The following P4HA3 variants were observed in gnomAD, a reference collection of about 807,000 sequenced individuals.
P4HA3 encodes prolyl 4-hydroxylase subunit alpha 3, also known as prolyl 4-hydroxylase subunit alpha-3.
Under a neutral mutation model 66.7 loss-of-function variants are expected in P4HA3, and 60 were observed. That is an observed-to-expected ratio of 0.90 (90% confidence interval 0.73 to 1.12). The LOEUF is 1.12. P4HA3 is among the 50% of genes most tolerant of loss of function. P4HA3 has a pLI of 0.00. For missense variants in P4HA3, 683 were observed against 685.8 expected, an observed-to-expected ratio of 1.00 and a Z score of 0.05; for synonymous variants, 263 against 274.6, an observed-to-expected ratio of 0.96 and a Z score of 0.42.
chr11:74,310,150 C>A (rs995486825), intron 1 of P4HA3, among the ~76,000 whole-genome samples: 3 of 152,218 alleles, frequency 2.0e-5, no homozygotes, highest in Non-Finnish European at 4.4e-5. Context: ...GTGGTCATAA[C>A]CACTCTGTCA....
intron 3 of P4HA3, among the ~76,000 whole-genome samples, chr11:74,299,607 C>T (rs1037423325): frequency 5.3e-5 from 8 of 150,780 alleles, no homozygotes; most frequent in Admixed American, 3.3e-4. Context: ...GGAATCCTTC[C>T]GAACACAAAT....
chr11:74,311,629 T>C lies in P4HA3; in HGVS notation c.-18A>G, dbSNP rs772500942. On this transcript the variant is annotated 5_prime_UTR_variant, in exon 1 of 13. Coordinates refer to ENST00000331597, the MANE Select transcript of P4HA3 (RefSeq NM_182904.5). ...GGACCCATAGCCAGCGCTCGCGAAC[T>C]TCCCCTCAGACAGTCCTGGCCGCGC... 2.0e-6 allele frequency: 3 copies of C among 1,481,912 alleles called. No homozygotes were observed. The highest frequency in any genetic ancestry group is 2.7e-6 in the Non-Finnish European group (3 of 1,127,248). 91.8% of individuals were successfully genotyped at this position (1,481,912 alleles called of 1,614,324 possible). A position where few individuals can be genotyped will look rare whatever the true frequency, so the allele number is the denominator to read the frequency against.
chr11:74,300,481 T>G (rs1227953005), intron 3 of P4HA3, among the ~76,000 whole-genome samples: 3 of 151,998 alleles, frequency 2.0e-5, no homozygotes, highest in Non-Finnish European at 4.4e-5. Flanking sequence ...TAGCTGGATA[T>G]GGTGGGGCAC....
intron 15 of P4HA3, among the ~76,000 whole-genome samples, chr11:74,255,421 T>C (rs1859810081): frequency 6.6e-6 from 1 of 152,212 alleles, no homozygotes; most frequent in African/African-American, 2.4e-5. Context: ...CTCCACACTG[T>C]TGGAGGCTTC....
At chr11:74,292,510 C>T (rs1367015275) in intron 4 of P4HA3, among the ~76,000 whole-genome samples, 2 of 152,104 alleles carry the variant, frequency 1.3e-5, no homozygotes, top group South Asian at 2.1e-4. Flanking sequence ...TTTGCTGTTG[C>T]TTCTCTAGTT....
chr11:74,251,200 G>A, intron 15 of P4HA3: 1 of 1,439,268 alleles, frequency 6.9e-7, no homozygotes, highest in Non-Finnish European at 9.1e-7. Flanking sequence ...TTGGTTTTGT[G>A]TATATGTGCT....
chr11:74,294,624 G>C (rs1861151004), intron 4 of P4HA3, among the ~76,000 whole-genome samples: 1 of 152,142 alleles, frequency 6.6e-6, no homozygotes, highest in Non-Finnish European at 1.5e-5. Flanking sequence ...GTGGGTTTTG[G>C]TGTGGATGTC....
intron 5 of P4HA3, among the ~76,000 whole-genome samples, chr11:74,288,281 G>T (rs1860870202): frequency 6.6e-6 from 1 of 152,158 alleles, no homozygotes; most frequent in African/African-American, 2.4e-5. Context: ...TACTGGCTGG[G>T]CAGGATGCAT....
chr11:74,311,227 C>G, intron 1 of P4HA3, 185 bp downstream of exon 1: 1 of 672,346 alleles, frequency 1.5e-6, no homozygotes, highest in South Asian at 2.3e-5. Context: ...GGGGGTCACA[C>G]TGGCCCTCAG....
At chr11:74,291,428 A>G (rs1435306684) in intron 4 of P4HA3, among the ~76,000 whole-genome samples, 2 of 152,076 alleles carry the variant, frequency 1.3e-5, no homozygotes, top group African/African-American at 4.8e-5. Context: ...CTAATTGAAT[A>G]CCCTTTATTT....
chr11:74,297,405 G>A (rs572190477), intron 4 of P4HA3, among the ~76,000 whole-genome samples: 69 of 151,982 alleles, frequency 4.5e-4, no homozygotes, highest in Non-Finnish European at 8.7e-4. Flanking sequence ...AAGAAAATGG[G>A]GAAAGGAAAA....
At chr11:74,284,173 C>G (rs1262530228) in intron 7 of P4HA3, among the ~76,000 whole-genome samples, 2 of 152,214 alleles carry the variant, frequency 1.3e-5, no homozygotes, top group African/African-American at 4.8e-5. Context: ...TATAGAGGTG[C>G]ATTTTTTCTT....
rs547363458 is a variant in P4HA3 at position 74,290,662 on chromosome 11, T to C, written c.718-1532A>G. The stretch of plus-strand genomic sequence containing the variant: ...GGATCCAGTTTCAGCTTTCTACATA[T>C]GGCTAGCCAGTTTTCCCAGCACCAT... On this transcript the variant is annotated intron_variant, in intron 4 of 12. Coordinates refer to ENST00000331597, the MANE Select transcript of P4HA3 (RefSeq NM_182904.5). Among the ~76,000 whole-genome samples the C allele has an allele frequency of 7.8e-3, 1,195 of 152,268 alleles. 11 individuals are homozygous for C. The highest frequency in any genetic ancestry group is 0.014 in the Non-Finnish European group (939 of 68,010).
At chr11:74,298,111 A>T (rs1591129775) in intron 4 of P4HA3, 101 bp downstream of exon 4, 2 of 1,424,684 alleles carry the variant, frequency 1.4e-6, no homozygotes, top group East Asian at 4.6e-5. Flanking sequence ...TATTGGGAAG[A>T]TGAAACAGAT....
chr11:74,275,709 A>C (rs192348983), intron 9 of P4HA3, among the ~76,000 whole-genome samples: 1 of 152,360 alleles, frequency 6.6e-6, no homozygotes. Flanking sequence ...TTCTACAAAA[A>C]TAAACCTCCT....
At chr11:74,264,876 T>G (rs917308706), downstream of P4HA3, among the ~76,000 whole-genome samples, 1 of 152,202 alleles carries the variant, frequency 6.6e-6, no homozygotes, top group African/African-American at 2.4e-5. Flanking sequence ...TGAGGATTAC[T>G]CATTAAGCAG....
intron 7 of P4HA3, among the ~76,000 whole-genome samples, chr11:74,281,911 CA>C (rs1176901328): frequency 9.9e-4 from 123 of 123,916 alleles, no homozygotes; most frequent in African/African-American, 4.0e-3. Flanking sequence ...AAGTTTGGGA[CA>C]AAAAAATAAA....
intron 9 of P4HA3, among the ~76,000 whole-genome samples, chr11:74,275,782 C>T: frequency 6.6e-6 from 1 of 152,040 alleles, no homozygotes; most frequent in Non-Finnish European, 1.5e-5. Context: ...TTTTAATCCT[C>T]AAAAATCACT....
chr11:74,284,893 C>T (rs924686441), intron 7 of P4HA3, among the ~76,000 whole-genome samples: 1 of 152,160 alleles, frequency 6.6e-6, no homozygotes, highest in African/African-American at 2.4e-5. Context: ...CAACACTTCT[C>T]GCCACATTCT....
Sources: gnomAD v4.1 joint callset for allele counts (sites outside exome capture counted in the v4.1 genomes callset) on GRCh38, gnomAD v4.1.1 for gene constraint, MANE v1.5 for transcripts, NCBI Gene and HGNC (gene_info 2026-07-23, HGNC 2026-07-21) for gene names.